USP22: variants seen among roughly 807,000 people sequenced by gnomAD.
USP22 encodes ubiquitin specific peptidase 22.
In USP22, 22 loss-of-function variants were observed where a neutral mutation model predicts 68.1. The ratio of observed to expected loss-of-function variants is 0.32; its 90% CI spans 0.23 to 0.46. The LOEUF (loss-of-function observed/expected upper bound fraction) is 0.46, where lower values mean the gene tolerates loss of function less well. Ranked by LOEUF, USP22 falls within the 20% of genes least tolerant of loss-of-function variation. The pLI is 1.00. For synonymous variants in USP22, 279 were observed against 274.2 expected (o/e 1.02, Z -0.17); for missense variants, 433 against 695.8 (o/e 0.62, Z 4.25).
chr17:21,012,808 G>A (rs755157110), intron 7 of USP22, 22 bp downstream of exon 7: 11 of 1,607,380 alleles, frequency 6.8e-6, no homozygotes, highest in Middle Eastern at 1.6e-4. Context: ...TGATATTGCC[G>A]AGCACGCAGC....
At position 21,019,141 on chromosome 17, in the gene USP22, G is replaced by A. The variant is rs1972123467; in HGVS notation, c.463C>T (p.Leu155Phe). The change falls in exon 4 of 13, where the codon CTT becomes TTT. Residue 155 changes from leucine to phenylalanine, a missense_variant. By Grantham distance (22) the Leu-to-Phe change is conservative. Around this residue, in one of 4 missense-constraint regions of USP22, gnomAD observed 144 missense variants for 237.2 expected, o/e 0.61. Transcript: ENST00000261497. ...FSTWEPTKRE[L>F]ELLKHNPKRR... ...TTCGGGTTGTGCTTCAGCAGTTCAA[G>A]CTCCCGTTTGGTTGGTTCCCAAGTT... 1 of 1,614,092 alleles carries A rather than the reference G, an allele frequency of 6.2e-7. No homozygotes were observed. Among genetic ancestry groups the A allele is most frequent in the Non-Finnish European group, 8.5e-7 (1 of 1,180,022 alleles).
intron 5 of USP22, among the ~76,000 whole-genome samples, chr17:21,017,254 G>A (rs1054263674): frequency 3.7e-4 from 57 of 152,336 alleles, no homozygotes; most frequent in African/African-American, 1.3e-3. Context: ...CAGAGGTTAC[G>A]AATGGGAACA....
rs896701541 is a variant in USP22, at chr17:21,017,830, T to C, written c.690+112A>G. On this transcript the variant is annotated intron_variant, in intron 5 of 12. Coordinates refer to ENST00000261497, the MANE Select transcript of USP22 (RefSeq NM_015276.2). ...ACATGTATATTAAACATTAACTTAC[T>C]ACAAAAGGTTCTAAATGTATCTTCC... The C allele has an allele frequency of 6.0e-6, 8 of 1,334,480 alleles. No individual in the cohort carries two copies. In the African/African-American group the frequency reaches 1.0e-4, roughly 17 times the overall value. 82.7% of individuals were successfully genotyped at this position (1,334,480 alleles called of 1,614,324 possible). A position where few individuals can be genotyped will look rare whatever the true frequency, so the allele number is the denominator to read the frequency against.
chr17:21,008,973 C>T (rs574958075), intron 8 of USP22, among the ~76,000 whole-genome samples: 129 of 151,762 alleles, frequency 8.5e-4, no homozygotes, highest in Non-Finnish European at 1.6e-3. Context: ...TGCCTATAAT[C>T]CCAGCTACTC....
intron 8 of USP22, among the ~76,000 whole-genome samples, 179 bp from the exon 9 acceptor site, chr17:21,008,175 C>G (rs1913836973): frequency 6.6e-6 from 1 of 152,204 alleles, no homozygotes; most frequent in Non-Finnish European, 1.5e-5. Flanking sequence ...CTGCCTGTCT[C>G]TACAGAATAT....
chr17:21,042,443 AG>A (rs1972450051), intron 1 of USP22, among the ~76,000 whole-genome samples: 1 of 124,288 alleles, frequency 8.0e-6, no homozygotes. Context: ...GGAGAGGGGA[AG>A]GATAGGAAGA....
rs887204008 is a variant in USP22, at chr17:21,042,804, G to A, written c.32C>T (p.Ala11Val). 6 of 1,468,450 alleles carry A rather than the reference G, an allele frequency of 4.1e-6. No individual in the cohort carries two copies. In the African/African-American group the frequency reaches 5.8e-5, roughly 14 times the overall value. The allele number at this position is 1,468,450 out of a possible 1,614,324, so 91.0% of individuals were successfully genotyped here. Reference protein sequence around the residue: MVSRPEPEGEAMDAELAVAPP... With the variant: MVSRPEPEGEVMDAELAVAPP... The stretch of plus-strand genomic sequence containing the variant: ...CGCTACCGCCAGCTCGGCGTCCATG[G>A]CCTCGCCCTCGGGCTCTGGCCGGGA... The change falls in exon 1 of 13, where the codon GCC (alanine) becomes GTC (valine). Residue 11 changes from alanine to valine, a missense_variant. Physicochemically the swap from Ala to Val is moderately conservative, Grantham distance 64. Coordinates refer to ENST00000261497, the MANE Select transcript of USP22 (RefSeq NM_015276.2).
At chr17:21,019,389 G>C (rs2291036) in intron 3 of USP22, among the ~76,000 whole-genome samples, 113,548 of 152,172 alleles carry the variant, frequency 0.75, 42,839 homozygotes, top group South Asian at 0.82. Context: ...AGGGTATGAG[G>C]ATGTGAGCTA....
chr17:21,035,815 G>A (rs1289652172), intron 1 of USP22, among the ~76,000 whole-genome samples: 3 of 152,004 alleles, frequency 2.0e-5, no homozygotes, highest in Non-Finnish European at 4.4e-5. Flanking sequence ...CAGATCACAA[G>A]GTCAGGAGAT....
At chr17:21,025,899 G>C (rs1014354341) in intron 2 of USP22, among the ~76,000 whole-genome samples, 1 of 152,184 alleles carries the variant, frequency 6.6e-6, no homozygotes, top group Non-Finnish European at 1.5e-5. Flanking sequence ...AAAAAGTTTT[G>C]AACTAGAGAG....
chr17:21,005,918 C>T (rs1288511963), intron 10 of USP22, among the ~76,000 whole-genome samples: 2 of 152,130 alleles, frequency 1.3e-5, no homozygotes, highest in African/African-American at 2.4e-5. Context: ...CCAATGACCA[C>T]GGTCATGACA....
intron 1 of USP22, among the ~76,000 whole-genome samples, chr17:21,034,551 G>A (rs1015153231): frequency 6.6e-6 from 1 of 152,176 alleles, no homozygotes; most frequent in African/African-American, 2.4e-5. Flanking sequence ...GCCGTTCTGA[G>A]AAACATGATG....
At chr17:21,011,118 C>T in intron 8 of USP22, 33 bp downstream of exon 8, 1 of 1,550,746 alleles carries the variant, frequency 6.4e-7, no homozygotes, top group African/African-American at 1.4e-5. Context: ...GGCCAGGAGA[C>T]ACGCCCCCGC....
upstream of USP22, chr17:21,043,407 C>T (rs1038448897): frequency 2.0e-5 from 7 of 356,486 alleles, no homozygotes; most frequent in Middle Eastern, 7.3e-4. Flanking sequence ...TTCCCTGTCT[C>T]TTCCAGAGGA....
intron 2 of USP22, among the ~76,000 whole-genome samples, chr17:21,027,399 A>T (rs1305869114): frequency 1.3e-5 from 2 of 151,260 alleles, no homozygotes; most frequent in African/African-American, 4.9e-5. Flanking sequence ...GCTGTAAGGG[A>T]CGTGGGTGCA....
intron 12 of USP22, among the ~76,000 whole-genome samples, 158 bp downstream of exon 12, chr17:21,004,044 G>T (rs1267097247): frequency 1.3e-5 from 2 of 152,146 alleles, no homozygotes; most frequent in Admixed American, 6.5e-5. Flanking sequence ...AGCACCCATC[G>T]AGGCTGGCAT....
intron 6 of USP22, among the ~76,000 whole-genome samples, chr17:21,015,279 G>A (rs1313872584): frequency 6.6e-6 from 1 of 152,220 alleles, no homozygotes; most frequent in Non-Finnish European, 1.5e-5. Context: ...CCCAAGAGAA[G>A]CTTTGCTCGT....
intron 1 of USP22, among the ~76,000 whole-genome samples, chr17:21,030,773 T>TG (rs1972280225): frequency 6.6e-6 from 1 of 152,176 alleles, no homozygotes; most frequent in East Asian, 1.9e-4. Flanking sequence ...TAAAGACACA[T>TG]GAAATCAAAT....
chr17:21,004,936 ATTG>A lies in USP22; in HGVS notation c.1374_1376del (p.Asn459del), dbSNP rs1283468869. ...CGCTAAGCACCACTTACTTGTTGTCATTGTTGAGACTGTCCGTGGGCTGCTGGT... is the reference window on the plus strand; with the variant it reads ...CGCTAAGCACCACTTACTTGTTGTCATTGAGACTGTCCGTGGGCTGCTGGT... On this transcript the variant is annotated inframe_deletion, in exon 11 of 13. Coordinates refer to ENST00000261497, the MANE Select transcript of USP22 (RefSeq NM_015276.2). 1.2e-6 allele frequency: 2 copies of A among 1,614,174 alleles called. No individual in the cohort carries two copies. The highest frequency in any genetic ancestry group is 3.3e-5 in the Admixed American group (2 of 60,010).
Sources: allele counts gnomAD v4.1 joint callset (sites outside exome capture counted in the v4.1 genomes callset), GRCh38; gene constraint gnomAD v4.1.1; regional missense constraint gnomAD v4.1.1; transcripts MANE v1.5; gene names NCBI Gene and HGNC (gene_info 2026-07-23, HGNC 2026-07-21).